NRG3: variants seen among roughly 807,000 people sequenced by gnomAD.
The protein encoded by NRG3 is pro-neuregulin-3, membrane-bound isoform.
In NRG3, 31 loss-of-function variants were observed where a neutral mutation model predicts 66.9. That is an observed-to-expected ratio of 0.46 (90% CI 0.35 to 0.63). NRG3 has a LOEUF of 0.63. Among genes scored for constraint, NRG3 ranks in the 20% least tolerant of loss-of-function variants. The probability of loss-of-function intolerance (pLI) is 0.00; values close to 1 mark genes in which losing one functional copy is unlikely to be tolerated. For synonymous variants in NRG3, 393 were observed against 359.4 expected (o/e 1.09, Z -1.06); for missense variants, 910 against 878.9 (o/e 1.04, Z -0.45).
intron 1 of NRG3, among the ~76,000 whole-genome samples, chr10:82,280,925 G>A (rs537794004): frequency 5.9e-5 from 9 of 152,268 alleles, no homozygotes; most frequent in Admixed American, 3.3e-4. Context: ...TGCTTTCTGC[G>A]GGGGGATGTG....
At chr10:82,414,764 T>C (rs779564726) in intron 2 of NRG3, among the ~76,000 whole-genome samples, 1 of 152,066 alleles carries the variant, frequency 6.6e-6, no homozygotes, top group Non-Finnish European at 1.5e-5. Flanking sequence ...AGAGAGATGA[T>C]TGATTTTGAT....
chr10:82,349,425 C>T (rs1045970305), intron 1 of NRG3, among the ~76,000 whole-genome samples: 4 of 150,922 alleles, frequency 2.7e-5, no homozygotes, highest in African/African-American at 9.7e-5. Context: ...TGCCCGTTCT[C>T]AGATCTCCAG....
chr10:81,931,066 A>G (rs755108986), intron 1 of NRG3, among the ~76,000 whole-genome samples: 2 of 152,204 alleles, frequency 1.3e-5, no homozygotes, highest in African/African-American at 2.4e-5. Context: ...ACATTGATGT[A>G]TTCACCAAGC....
At chr10:82,542,267 G>C (rs2043596173) in intron 2 of NRG3, among the ~76,000 whole-genome samples, 1 of 152,124 alleles carries the variant, frequency 6.6e-6, no homozygotes, top group Non-Finnish European at 1.5e-5. Context: ...TAGAGAAATA[G>C]CTGATTACTA....
intron 2 of NRG3, among the ~76,000 whole-genome samples, chr10:82,524,137 G>C (rs930891037): frequency 3.3e-5 from 5 of 151,990 alleles, no homozygotes. Flanking sequence ...GCACCTTTGT[G>C]ATTATCTATT....
chr10:82,300,463 T>G (rs950825639), intron 1 of NRG3, among the ~76,000 whole-genome samples: 6 of 152,154 alleles, frequency 3.9e-5, no homozygotes, highest in African/African-American at 1.2e-4. Flanking sequence ...TACAGAAAAA[T>G]TAAGTGATTT....
At chr10:82,980,454 G>T (rs912164018) in intron 8 of NRG3, among the ~76,000 whole-genome samples, 2 of 152,058 alleles carry the variant, frequency 1.3e-5, no homozygotes, top group Non-Finnish European at 2.9e-5. Flanking sequence ...GGTTCTTGTG[G>T]CTCTGTTTTT....
intron 4 of NRG3, among the ~76,000 whole-genome samples, chr10:82,889,964 G>A (rs1325752617): frequency 6.6e-6 from 1 of 152,064 alleles, no homozygotes; most frequent in African/African-American, 2.4e-5. Context: ...AAGATAGCTC[G>A]TGACATCACT....
At chr10:82,458,101 G>A (rs1382645197) in intron 2 of NRG3, among the ~76,000 whole-genome samples, 1 of 152,172 alleles carries the variant, frequency 6.6e-6, no homozygotes, top group African/African-American at 2.4e-5. Context: ...AGAGTCCACT[G>A]TGTTTCTCCA....
chr10:82,330,317 C>T (rs1056701395), intron 1 of NRG3, among the ~76,000 whole-genome samples: 8 of 151,976 alleles, frequency 5.3e-5, no homozygotes, highest in South Asian at 2.1e-4. Context: ...CTATATTTTC[C>T]GGTCATTTTT....
At chr10:82,287,378 C>G (rs957096492) in intron 1 of NRG3, among the ~76,000 whole-genome samples, 2 of 151,774 alleles carry the variant, frequency 1.3e-5, no homozygotes, top group Non-Finnish European at 2.9e-5. Flanking sequence ...CGGGCTGATG[C>G]CAGTACCATG....
At chr10:82,740,733 G>A (rs1442651630) in intron 3 of NRG3, among the ~76,000 whole-genome samples, 1 of 150,176 alleles carries the variant, frequency 6.7e-6, no homozygotes, top group African/African-American at 2.5e-5. Context: ...GCTGAGAGAG[G>A]AGAATCACTT....
intron 1 of NRG3, among the ~76,000 whole-genome samples, chr10:81,936,068 ACATGAT>A (rs1252105615): frequency 6.6e-6 from 1 of 152,148 alleles, no homozygotes; most frequent in African/African-American, 2.4e-5. Context: ...AAGTGGGCAG[ACATGAT>A]AGAAGGAGAT....
At chr10:82,090,677 T>C (rs2065976342) in intron 1 of NRG3, among the ~76,000 whole-genome samples, 2 of 152,092 alleles carry the variant, frequency 1.3e-5, no homozygotes, top group South Asian at 4.1e-4. Context: ...CAGGAGCACA[T>C]TACAACATAA....
intron 2 of NRG3, among the ~76,000 whole-genome samples, chr10:82,595,032 G>C (rs1367876271): frequency 6.6e-6 from 1 of 151,238 alleles, no homozygotes; most frequent in African/African-American, 2.4e-5. Flanking sequence ...TGTTGACAAG[G>C]CTGGTCTCAA....
intron 2 of NRG3, among the ~76,000 whole-genome samples, chr10:82,487,801 T>A (rs962866593): frequency 5.9e-5 from 9 of 152,210 alleles, no homozygotes; most frequent in African/African-American, 2.2e-4. Flanking sequence ...CTCATGAAAA[T>A]CTTGCATATT....
rs1291991842 is a variant in NRG3 at position 82,192,232 on chromosome 10, T to A, written c.824-166507T>A. ...ACGCTAACAATTGCAATTATCACCA[T>A]TATGCAGTATGTTCAATTGTACAAT... On this transcript the variant is annotated intron_variant, in intron 1 of 8. Coordinates refer to ENST00000372141, the MANE Select transcript of NRG3 (RefSeq NM_001010848.4). 2.0e-5 allele frequency among the ~76,000 whole-genome samples: 3 copies of A among 152,210 alleles called. No individual in the cohort carries two copies. The South Asian group carries it at 6.2e-4, about 32-fold the overall frequency.
chr10:82,327,633 C>T (rs942083540), intron 1 of NRG3, among the ~76,000 whole-genome samples: 10 of 152,120 alleles, frequency 6.6e-5, no homozygotes, highest in East Asian at 5.8e-4. Flanking sequence ...AAACCAAATG[C>T]GATTGCCTTT....
At chr10:82,962,957 A>T (rs1203771091) in intron 6 of NRG3, among the ~76,000 whole-genome samples, 3 of 152,208 alleles carry the variant, frequency 2.0e-5, no homozygotes, top group Non-Finnish European at 4.4e-5. Flanking sequence ...GGTAAAGCCC[A>T]CACTTCTCTG....
Sources: gnomAD v4.1 joint callset for allele counts (sites outside exome capture counted in the v4.1 genomes callset) on GRCh38, gnomAD v4.1.1 for gene constraint, MANE v1.5 for transcripts, NCBI Gene and HGNC (gene_info 2026-07-23, HGNC 2026-07-21) for gene names.